The following ALDH1L1 variants were observed in gnomAD, a reference collection of about 807,000 sequenced individuals.
The protein encoded by ALDH1L1 is cytosolic 10-formyltetrahydrofolate dehydrogenase.
In ALDH1L1, 68 loss-of-function variants were observed where a neutral mutation model predicts 101.1. That is an observed-to-expected ratio of 0.67 (90% CI 0.55 to 0.82). The LOEUF (loss-of-function observed/expected upper bound fraction) is 0.82. Ranked by LOEUF, ALDH1L1 falls within the 40% of genes least tolerant of loss-of-function variation. ALDH1L1 has a pLI of 0.00. For synonymous variants in ALDH1L1, 486 were observed against 470.8 expected (o/e 1.03, Z -0.42); for missense variants, 1,087 against 1,172.7 (o/e 0.93, Z 1.07).
At position 126,124,369 on chromosome 3, in the gene ALDH1L1, C is replaced by T; in HGVS notation, c.1883G>A (p.Gly628Glu). Residue 628 changes from glycine (G) to glutamate (E), a missense_variant, in exon 16 of 23, where the codon GGA (glycine) becomes GAA (glutamate). By Grantham distance (98) the Gly-to-Glu change is moderately conservative (BLOSUM62 -2). This residue lies in a region of ALDH1L1 where 442 missense variants were observed against 535.7 expected (regional missense o/e 0.83). Coordinates refer to ENST00000393434, the MANE Select transcript of ALDH1L1 (RefSeq NM_012190.4). ...CCCCCGACAATGGCTCTTACCAGAT[C>T]CTGGGAGGACGTTAACCACACCTTT... ...IPKGVVNVLP[G>E]SGSLVGQRLS... 6.2e-7 allele frequency: 1 copy of T among 1,611,292 alleles called. No homozygotes were observed. The highest frequency in any genetic ancestry group is 8.5e-7 in the Non-Finnish European group (1 of 1,178,832).
chr3:126,186,873 G>A (rs1435617766), intron 1 of ALDH1L1, among the ~76,000 whole-genome samples: 1 of 152,182 alleles, frequency 6.6e-6, no homozygotes, highest in African/African-American at 2.4e-5. Flanking sequence ...CAAAAGTGCT[G>A]GAAATGCTGC....
intron 9 of ALDH1L1, among the ~76,000 whole-genome samples, chr3:126,139,294 G>A (rs936283439): frequency 1.3e-5 from 2 of 152,212 alleles, no homozygotes; most frequent in African/African-American, 2.4e-5. Context: ...CTGGCTGACT[G>A]CAGGAACAAT....
chr3:126,177,292 G>A (rs1251337136), intron 1 of ALDH1L1, among the ~76,000 whole-genome samples: 1 of 152,222 alleles, frequency 6.6e-6, no homozygotes, highest in Non-Finnish European at 1.5e-5. Flanking sequence ...AAACTTGGAA[G>A]CAACCAAGAT....
At chr3:126,120,507 C>G in intron 16 of ALDH1L1, among the ~76,000 whole-genome samples, 1 of 152,196 alleles carries the variant, frequency 6.6e-6, no homozygotes, top group East Asian at 1.9e-4. Flanking sequence ...TGAAACTACT[C>G]TGTGTTACAC....
At chr3:126,147,602 G>A (rs1037876077) in intron 8 of ALDH1L1, among the ~76,000 whole-genome samples, 2 of 152,204 alleles carry the variant, frequency 1.3e-5, no homozygotes, top group African/African-American at 4.8e-5. Context: ...CTCTGGGCAG[G>A]CTGCTGGTGA....
chr3:126,194,726 A>G (rs1174974259), intron 1 of ALDH1L1, among the ~76,000 whole-genome samples: 1 of 152,148 alleles, frequency 6.6e-6, no homozygotes, highest in Non-Finnish European at 1.5e-5. Context: ...TCTAATTTGA[A>G]ACAATCCTTT....
chr3:126,134,192 A>G (rs2080373504), intron 12 of ALDH1L1, among the ~76,000 whole-genome samples: 1 of 152,142 alleles, frequency 6.6e-6, no homozygotes, highest in Non-Finnish European at 1.5e-5. Flanking sequence ...CTGAGGCAGA[A>G]CCAGTAATGG....
intron 1 of ALDH1L1, among the ~76,000 whole-genome samples, chr3:126,179,497 C>CACAA (rs1440330546): frequency 2.4e-5 from 3 of 125,962 alleles, no homozygotes; most frequent in Admixed American, 8.0e-5. Flanking sequence ...GAGACTCTGT[C>CACAA]TCAAACAAAC....
intron 1 of ALDH1L1, among the ~76,000 whole-genome samples, chr3:126,177,418 G>A (rs895302450): frequency 6.6e-6 from 1 of 152,194 alleles, no homozygotes; most frequent in Non-Finnish European, 1.5e-5. Context: ...CATGGAGGAT[G>A]CTTAAATGCA....
intron 16 of ALDH1L1, among the ~76,000 whole-genome samples, chr3:126,124,110 GACACACACACACACACACAC>G (rs3841921): frequency 1.3e-5 from 2 of 148,788 alleles, no homozygotes; most frequent in South Asian, 2.2e-4. Context: ...AGGGCGCGCG[GACACACACACACACACACAC>G]ACACACACAC....
At position 126,158,393 on chromosome 3, in the gene ALDH1L1, G is replaced by A. The variant is rs375406813; in HGVS notation, c.362+12C>T. 8.3e-4 allele frequency: 1,295 copies of A among 1,558,202 alleles called. 1 individual carries two copies. The highest frequency in any genetic ancestry group is 1.1e-3 in the Non-Finnish European group (1,225 of 1,145,396). ...TATGGGGATGGCCCCCTGTGTTTTT[G>A]CCCCATCTCACCAGTTGATGGCCGA... is the stretch of plus-strand genomic sequence containing the variant. On this transcript the variant is annotated intron_variant, in intron 3 of 22. Transcript: ENST00000393434.
chr3:126,178,723 C>T (rs561302651), intron 1 of ALDH1L1, among the ~76,000 whole-genome samples: 2 of 151,566 alleles, frequency 1.3e-5, no homozygotes, highest in African/African-American at 2.4e-5. Flanking sequence ...TAACAAACCA[C>T]GATAATTGTG....
At chr3:126,136,412 AG>A (rs1015318182) in intron 11 of ALDH1L1, among the ~76,000 whole-genome samples, 6 of 152,114 alleles carry the variant, frequency 3.9e-5, no homozygotes, top group Non-Finnish European at 8.8e-5. Flanking sequence ...CTAACGGTGG[AG>A]GGCTCAAGTA....
intron 1 of ALDH1L1, among the ~76,000 whole-genome samples, chr3:126,174,944 C>T (rs998106027): frequency 6.6e-6 from 1 of 152,130 alleles, no homozygotes; most frequent in African/African-American, 2.4e-5. Context: ...AGAAAATCAA[C>T]AAAACCTAAA....
chr3:126,153,370 C>A, intron 7 of ALDH1L1, 74 bp downstream of exon 7: 1 of 1,601,640 alleles, frequency 6.2e-7, no homozygotes, highest in Non-Finnish European at 8.5e-7. Context: ...TAGGGTCTTC[C>A]TGTGAGGCCT....
intron 1 of ALDH1L1, among the ~76,000 whole-genome samples, chr3:126,192,383 T>C (rs1348494278): frequency 1.3e-5 from 2 of 152,136 alleles, no homozygotes; most frequent in Non-Finnish European, 2.9e-5. Context: ...CGGTTTAGAC[T>C]TTTATAGGTA....
At position 126,110,054 on chromosome 3, in the gene ALDH1L1, T is replaced by C; in HGVS notation, c.2237A>G (p.His746Arg). The C allele has an allele frequency of 6.2e-7, 1 of 1,614,202 alleles. No individual in the cohort carries two copies. Among genetic ancestry groups the C allele is most frequent in the Non-Finnish European group, 8.5e-7 (1 of 1,180,026 alleles). ...VGNPLDRDTD[H>R]GPQNHHAHLV... is the part of the protein sequence containing the mutation. ...GTGGGCATGGTGATTCTGCGGCCCG[T>C]GGTCGGTGTCCCTGTCCAGCGGGTT... The change falls in exon 20 of 23, where the codon CAC becomes CGC. Residue 746 changes from histidine (H) to arginine (R), a missense_variant. Transcript: ENST00000393434.
At chr3:126,146,184 T>C (rs562280249) in intron 9 of ALDH1L1, among the ~76,000 whole-genome samples, 13 of 152,266 alleles carry the variant, frequency 8.5e-5, no homozygotes, top group African/African-American at 2.9e-4. Flanking sequence ...GCTAGCAAGA[T>C]GTGGAGTTTC....
upstream of ALDH1L1, among the ~76,000 whole-genome samples, chr3:126,185,840 C>G (rs909958246): frequency 6.6e-6 from 1 of 152,148 alleles, no homozygotes; most frequent in Non-Finnish European, 1.5e-5. Context: ...AGTCAATATT[C>G]TGGAGTATTA....
Sources: gnomAD v4.1 joint callset for allele counts (sites outside exome capture counted in the v4.1 genomes callset) on GRCh38, gnomAD v4.1.1 for gene constraint, gnomAD v4.1.1 regional missense constraint, MANE v1.5 for transcripts, NCBI Gene and HGNC (gene_info 2026-07-23, HGNC 2026-07-21) for gene names.